Variants in ANKRD28 observed in about 807,000 individuals in gnomAD.
ANKRD28 encodes the protein ankyrin repeat domain 28.
A neutral mutation model predicts 126.5 loss-of-function variants in ANKRD28; 44 were observed. The ratio of observed to expected loss-of-function variants is 0.35; its 90% CI spans 0.27 to 0.45. ANKRD28 has a LOEUF of 0.45. Among genes scored for constraint, ANKRD28 ranks in the 20% least tolerant of loss-of-function variants. ANKRD28 has a pLI of 1.00. For synonymous variants in ANKRD28, 442 were observed against 468.5 expected (o/e 0.94, Z 0.73); for missense variants, 1,110 against 1,316.6 (o/e 0.84, Z 2.43).
At chr3:15,704,963 T>C (rs1424708400) in intron 14 of ANKRD28, among the ~76,000 whole-genome samples, 1 of 152,156 alleles carries the variant, frequency 6.6e-6, no homozygotes, top group East Asian at 1.9e-4. Flanking sequence ...CATTTAGTTT[T>C]CCCAGCAACT....
intron 6 of ANKRD28, among the ~76,000 whole-genome samples, chr3:15,726,201 G>A (rs995183618): frequency 6.6e-6 from 1 of 152,134 alleles, no homozygotes; most frequent in Non-Finnish European, 1.5e-5. Context: ...GTGAAAGACA[G>A]TTGCATACCT....
At chr3:15,728,370 T>C (rs1211538252) in intron 6 of ANKRD28, among the ~76,000 whole-genome samples, 1 of 152,206 alleles carries the variant, frequency 6.6e-6, no homozygotes, top group Admixed American at 6.5e-5. Context: ...TCAATCTCAC[T>C]GTAACCTCAA....
chr3:15,761,048 AT>A (rs1389949794), intron 3 of ANKRD28, among the ~76,000 whole-genome samples: 3 of 152,262 alleles, frequency 2.0e-5, no homozygotes, highest in Admixed American at 6.5e-5. Flanking sequence ...CAATCTTTCT[AT>A]TTTTTTATGT....
intron 23 of ANKRD28, among the ~76,000 whole-genome samples, chr3:15,678,572 TAGTATGA>T (rs1400676101): frequency 1.3e-5 from 2 of 152,188 alleles, no homozygotes; most frequent in East Asian, 3.8e-4. Flanking sequence ...AAACTAGAAC[TAGTATGA>T]AGTAAAGATT....
intron 1 of ANKRD28, among the ~76,000 whole-genome samples, chr3:15,810,472 A>G (rs2060688366): frequency 6.6e-6 from 1 of 152,066 alleles, no homozygotes; most frequent in East Asian, 1.9e-4. Context: ...ATGATTTAAA[A>G]TACAGTATAT....
chr3:15,700,671 G>A (rs897000106), intron 14 of ANKRD28, among the ~76,000 whole-genome samples: 2 of 152,142 alleles, frequency 1.3e-5, no homozygotes, highest in African/African-American at 4.8e-5. Context: ...CTACTCGGGA[G>A]GCTGAGGCAG....
chr3:15,697,725 T>G (rs548669064), intron 14 of ANKRD28, among the ~76,000 whole-genome samples: 3 of 152,272 alleles, frequency 2.0e-5, no homozygotes, highest in Non-Finnish European at 4.4e-5. Flanking sequence ...GGCTTTGGTA[T>G]CAGGATGATG....
chr3:15,851,332 G>T (rs1033320837), intron 1 of ANKRD28, among the ~76,000 whole-genome samples: 3 of 151,802 alleles, frequency 2.0e-5, no homozygotes, highest in Non-Finnish European at 4.4e-5. Context: ...GCTTGAACTC[G>T]TAAGTTCAAG....
intron 6 of ANKRD28, among the ~76,000 whole-genome samples, chr3:15,733,775 A>AT (rs539743811): frequency 7.9e-5 from 12 of 151,420 alleles, no homozygotes; most frequent in Middle Eastern, 3.2e-3. Context: ...CCTATGTAGA[A>AT]TTTTTTTTTC....
chr3:15,679,404 G>A lies in ANKRD28; in HGVS notation c.2478-20C>T, dbSNP rs1402941449. 4 of 1,613,158 alleles carry A rather than the reference G, an allele frequency of 2.5e-6. No homozygotes were observed. Among genetic ancestry groups the A allele is most frequent in the Non-Finnish European group, 3.4e-6 (4 of 1,179,254 alleles). On this transcript the variant is annotated intron_variant, in intron 22 of 27. Transcript: ENST00000683139. ...TTTATCCTGTGTAAGGTAACAAGGT[G>A]ATCATTCTCACAGCAATGGTGTATT...
intron 8 of ANKRD28, among the ~76,000 whole-genome samples, chr3:15,717,703 TAAA>T (rs2073233382): frequency 6.6e-6 from 1 of 152,134 alleles, no homozygotes; most frequent in Admixed American, 6.5e-5. Flanking sequence ...AATCTATTCT[TAAA>T]GAACAATGTG....
intron 2 of ANKRD28, among the ~76,000 whole-genome samples, chr3:15,794,456 C>T (rs1318180001): frequency 6.6e-6 from 1 of 152,100 alleles, no homozygotes; most frequent in African/African-American, 2.4e-5. Flanking sequence ...TATGACTTTT[C>T]ACCCCCTCCA....
At chr3:15,804,273 C>T (rs914225999) in intron 1 of ANKRD28, among the ~76,000 whole-genome samples, 3 of 145,238 alleles carry the variant, frequency 2.1e-5, no homozygotes, top group Non-Finnish European at 4.5e-5. Flanking sequence ...ATAGACTATA[C>T]CTGCTACCAA....
At chr3:15,702,035 A>C (rs1040748032) in intron 14 of ANKRD28, among the ~76,000 whole-genome samples, 5 of 152,204 alleles carry the variant, frequency 3.3e-5, no homozygotes, top group Admixed American at 3.3e-4. Context: ...ATTCTAATAC[A>C]ATTTCTTTTA....
intron 2 of ANKRD28, among the ~76,000 whole-genome samples, chr3:15,770,726 G>A (rs771438933): frequency 5.9e-5 from 9 of 152,106 alleles, no homozygotes; most frequent in Middle Eastern, 3.2e-3. Context: ...GCAGCCCAAG[G>A]AGAAGTCTCT....
chr3:15,705,343 T>C (rs2071211306), intron 14 of ANKRD28, among the ~76,000 whole-genome samples: 1 of 152,162 alleles, frequency 6.6e-6, no homozygotes, highest in South Asian at 2.1e-4. Context: ...TGTGTGTGAA[T>C]TCAGGTTTAG....
chr3:15,825,770 T>C lies in ANKRD28; in HGVS notation c.28-30464A>G, dbSNP rs1013976119. 5.3e-5 allele frequency among the ~76,000 whole-genome samples: 8 copies of C among 152,226 alleles called. No individual in the cohort carries two copies. In the East Asian group the frequency reaches 1.4e-3, roughly 26 times the overall value. On this transcript the variant is annotated intron_variant, in intron 1 of 27. Coordinates refer to the ANKRD28 transcript ENST00000399451. ...CAGATAGATAGATAATAGAGATATATACTTACCACTACAAAGCAAAGAAAA... is the reference window on the plus strand; with the variant it reads ...CAGATAGATAGATAATAGAGATATACACTTACCACTACAAAGCAAAGAAAA...
chr3:15,708,179 T>C lies in ANKRD28; in HGVS notation c.1407-115A>G, dbSNP rs550552877. The C allele has an allele frequency of 3.4e-6, 4 of 1,181,472 alleles. No individual in the cohort carries two copies. The African/African-American group carries it at 6.1e-5, about 18-fold the overall frequency. 73.2% of individuals were successfully genotyped at this position (1,181,472 alleles called of 1,614,324 possible). A position where few individuals can be genotyped will look rare whatever the true frequency, so the allele number is the denominator to read the frequency against. On this transcript the variant is annotated intron_variant, in intron 13 of 27. Transcript: ENST00000683139. ...CAAATACTTTATTTACAGTGAGACT[T>C]AGACTACCATATACTAAGTCTTGCG...
Position 15,671,566 on chromosome 3 carries a change from A to G in ANKRD28, c.2966-1010T>C, listed in dbSNP as rs1184313107. Among the ~76,000 whole-genome samples the G allele has an allele frequency of 2.6e-5, 4 of 151,310 alleles. No individual in the cohort carries two copies. The East Asian group carries it at 7.7e-4, about 29-fold the overall frequency. On this transcript the variant is annotated intron_variant, in intron 27 of 27. Transcript: ENST00000683139. Reference sequence around the variant, plus strand: ...ATTTCCTTGCTTTCAACTTGGAGTCATAAACACTATAGTTTTTTTTTTGTT... The same window carrying G: ...ATTTCCTTGCTTTCAACTTGGAGTCGTAAACACTATAGTTTTTTTTTTGTT...
Sources: allele counts gnomAD v4.1 joint callset (sites outside exome capture counted in the v4.1 genomes callset), GRCh38; gene constraint gnomAD v4.1.1; transcripts MANE v1.5; gene names NCBI Gene and HGNC (gene_info 2026-07-23, HGNC 2026-07-21).